Variants in ADNP observed in about 807,000 individuals in gnomAD.
The protein encoded by ADNP is activity-dependent neuroprotector homeobox protein.
In ADNP, 4 loss-of-function variants were observed where a neutral mutation model predicts 84.9. The observed-to-expected ratio is 0.05, with a 90% CI of 0.02 to 0.11. The LOEUF is 0.11. Ranked by LOEUF, ADNP falls within the 10% of genes least tolerant of loss-of-function variation. The pLI, the probability that ADNP is intolerant of heterozygous loss-of-function variation, is 1.00. For synonymous variants in ADNP, 554 were observed against 468.1 expected, an observed-to-expected ratio of 1.18 and a Z score of -2.37; for missense variants, 1,132 against 1,326.0, an observed-to-expected ratio of 0.85 and a Z score of 2.27.
At chr20:50,902,288 T>C (rs956845377) in intron 4 of ADNP, among the ~76,000 whole-genome samples, 179 bp from the exon 5 acceptor site, 4 of 152,178 alleles carry the variant, frequency 2.6e-5, no homozygotes, top group Admixed American at 6.5e-5. Flanking sequence ...GAAGTTGCAG[T>C]CTACATTTTA....
rs1449068028 is a variant in ADNP, at chr20:50,891,249, TAG to T, written c.*154_*155del. On this transcript the variant is annotated 3_prime_UTR_variant, in exon 6 of 6. Transcript: ENST00000621696. ...GAAGCAAGAACAGCCTGTCCTGTCA[TAG>T]ACTTAGAAATAACCACTGGAACTGC... 7.1e-7 allele frequency: 1 copy of T among 1,410,492 alleles called. No homozygotes were observed. The highest frequency in any genetic ancestry group is 3.3e-5 in the Admixed American group (1 of 30,562). 87.4% of individuals were successfully genotyped at this position (1,410,492 alleles called of 1,614,324 possible).
At chr20:50,905,980 A>C (rs1222066689) in intron 2 of ADNP, among the ~76,000 whole-genome samples, 1 of 152,198 alleles carries the variant, frequency 6.6e-6, no homozygotes, top group African/African-American at 2.4e-5. Context: ...TAGGAGGCCG[A>C]GGAGGGCAGA....
rs11299078 is a variant in ADNP at position 50,890,034 on chromosome 20, AT to A, written c.*1370del. The A allele has an allele frequency of 0.4, 131,378 of 329,952 alleles. 20,556 individuals carry two copies. Among genetic ancestry groups the A allele is most frequent in the African/African-American group, 0.54 (24,655 of 45,822 alleles). 20.4% of individuals were successfully genotyped at this position (329,952 alleles called of 1,614,324 possible). On this transcript the variant is annotated 3_prime_UTR_variant, in exon 6 of 6. Coordinates refer to ENST00000621696, the MANE Select transcript of ADNP (RefSeq NM_001282531.3). ...CAAATTAATGCCAATCCATGTTTAC[AT>A]TTTTTTTTTTATCATTGAGACATTT...
Position 50,893,363 on chromosome 20 carries a change from T to C in ADNP, c.1351A>G (p.Ile451Val). 1 of 1,614,220 alleles carries C rather than the reference T, an allele frequency of 6.2e-7. No homozygotes were observed. The highest frequency in any genetic ancestry group is 1.3e-5 in the African/African-American group (1 of 75,048). Residue 451 changes from isoleucine (I) to valine (V), a missense_variant, in exon 6 of 6, where the codon ATC (isoleucine) becomes GTC (valine). This residue lies in a region of ADNP where 87 missense variants were observed against 181.4 expected (regional missense o/e 0.48). Transcript: ENST00000621696. The surrounding 1 kb of genome is among the most constrained non-coding windows in gnomAD (Gnocchi z 4.4). ...SSTQKWKICT[I>V]CNELFPENVY... ...TTTTCAGGAAAAAGCTCATTACAGA[T>C]TGTACATATTTTCCACTTTTGAGTT...
At chr20:50,912,759 G>A (rs1983162222) in intron 2 of ADNP, among the ~76,000 whole-genome samples, 1 of 152,158 alleles carries the variant, frequency 6.6e-6, no homozygotes, top group Non-Finnish European at 1.5e-5. Context: ...TCTGATCAAA[G>A]TATGAAGTGA....
rs1984687187 is a variant in ADNP, at chr20:50,930,848, C to G, written c.-287G>C. 6.8e-6 allele frequency: 1 copy of G among 146,718 alleles called. No homozygotes were observed. Among genetic ancestry groups the G allele is most frequent in the Non-Finnish European group, 1.5e-5 (1 of 65,808 alleles). The allele number at this position is 146,718 out of a possible 1,614,324, so 9.1% of individuals were successfully genotyped here. A position where few individuals can be genotyped will look rare whatever the true frequency, so the allele number is the denominator to read the frequency against. On this transcript the variant is annotated 5_prime_UTR_variant, in exon 1 of 6. Transcript: ENST00000621696. ...TACCTTGACTCGGCCTCGAGGCGCG[C>G]GCGGGGCCGGCGTGCTCGGGGGCCG...
chr20:50,900,694 A>G (rs1981883832), intron 5 of ADNP, among the ~76,000 whole-genome samples: 1 of 152,252 alleles, frequency 6.6e-6, no homozygotes, highest in Non-Finnish European at 1.5e-5. Flanking sequence ...TTTTAGTGCA[A>G]TTAGACAATT....
At position 50,892,157 on chromosome 20, in the gene ADNP, CCTT is replaced by C. The variant is rs1191715917; in HGVS notation, c.2554_2556del (p.Lys852del). On this transcript the variant is annotated inframe_deletion, in exon 6 of 6. Transcript: ENST00000621696. ...GTCTTACTAGCATTGACTCTGGAATCCTTCTCATCATGATTTTCAAATAGCCAC... is the reference window on the plus strand; with the variant it reads ...GTCTTACTAGCATTGACTCTGGAATCCTCATCATGATTTTCAAATAGCCAC... 3 of 1,614,114 alleles carry C rather than the reference CCTT, an allele frequency of 1.9e-6. No homozygotes were observed. Among genetic ancestry groups the C allele is most frequent in the Admixed American group, 1.7e-5 (1 of 60,012 alleles).
At position 50,903,784 on chromosome 20, in the gene ADNP, T is replaced by A. The variant is rs899591554; in HGVS notation, c.108+105A>T. On this transcript the variant is annotated intron_variant, in intron 4 of 5. Coordinates refer to ENST00000621696, the MANE Select transcript of ADNP (RefSeq NM_001282531.3). Reference sequence around the variant, plus strand: ...GTTTTCGTGAAGCTACTGCTGTGGCTGAAATTCAGAATCACATCTAAGATT... The same window carrying A: ...GTTTTCGTGAAGCTACTGCTGTGGCAGAAATTCAGAATCACATCTAAGATT... 7 of 818,776 alleles carry A rather than the reference T, an allele frequency of 8.5e-6. No individual in the cohort carries two copies. In the African/African-American group the frequency reaches 1.0e-4, roughly 12 times the overall value. The allele number at this position is 818,776 out of a possible 1,614,324, so 50.7% of individuals were successfully genotyped here.
At chr20:50,901,184 T>C (rs1981938508) in intron 5 of ADNP, among the ~76,000 whole-genome samples, 1 of 152,108 alleles carries the variant, frequency 6.6e-6, no homozygotes, top group Non-Finnish European at 1.5e-5. Flanking sequence ...ACTCTGCTTC[T>C]CCTCAAAGCT....
At position 50,913,799 on chromosome 20, in the gene ADNP, G is replaced by A. The variant is rs56248493; in HGVS notation, c.-89-8950C>T. ...GAGGGAAGCTGGAGGAGGTGAAGGA[G>A]AGGATTCTGGCCAATAAACCCCTGG... On this transcript the variant is annotated intron_variant, in intron 2 of 5. Coordinates refer to ENST00000621696, the MANE Select transcript of ADNP (RefSeq NM_001282531.3). 466 of 490,048 alleles carry A rather than the reference G, an allele frequency of 9.5e-4. 2 individuals carry two copies. Among genetic ancestry groups the A allele is most frequent in the African/African-American group, 8.9e-3 (446 of 50,354 alleles). The allele number at this position is 490,048 out of a possible 1,614,324, so 30.4% of individuals were successfully genotyped here.
intron 2 of ADNP, among the ~76,000 whole-genome samples, chr20:50,917,312 C>T (rs1983583527): frequency 6.6e-6 from 1 of 152,220 alleles, no homozygotes; most frequent in Non-Finnish European, 1.5e-5. Context: ...GTACGTATCT[C>T]AAGTCAGTCA....
intron 2 of ADNP, among the ~76,000 whole-genome samples, chr20:50,906,987 T>G (rs916276009): frequency 8.0e-6 from 1 of 124,664 alleles, no homozygotes; most frequent in African/African-American, 3.0e-5. Flanking sequence ...TTTTTTTTTT[T>G]GAGACAGTCT....
chr20:50,915,974 T>C (rs1568737460), intron 2 of ADNP, among the ~76,000 whole-genome samples: 1 of 152,236 alleles, frequency 6.6e-6, no homozygotes, highest in Non-Finnish European at 1.5e-5. Flanking sequence ...TTCTGTATTC[T>C]TCTATTCTTA....
At position 50,891,896 on chromosome 20, in the gene ADNP, G is replaced by T. The variant is rs1253478712; in HGVS notation, c.2818C>A (p.His940Asn). 3 of 1,614,054 alleles carry T rather than the reference G, an allele frequency of 1.9e-6. No individual in the cohort carries two copies. The highest frequency in any genetic ancestry group is 3.3e-5 in the Admixed American group (2 of 60,006). ...KEDGSKYETI[H>N]LTEEPTKLMH... ...AGTTTGGTTGGTTCCTCAGTCAAATGAATAGTTTCGTATTTTGAACCATCC... is the reference window on the plus strand; with the variant it reads ...AGTTTGGTTGGTTCCTCAGTCAAATTAATAGTTTCGTATTTTGAACCATCC... The change falls in exon 6 of 6, where the codon CAT becomes AAT. Residue 940 changes from histidine to asparagine, a missense_variant. By Grantham distance (68) the His-to-Asn change is moderately conservative. Coordinates refer to ENST00000621696, the MANE Select transcript of ADNP (RefSeq NM_001282531.3).
rs71192505 is a variant in ADNP at position 50,890,161 on chromosome 20, A to AAAAAAC, written c.*1243_*1244insGTTTTT. 4.4e-5 allele frequency: 8 copies of AAAAAAC among 181,134 alleles called. 1 individual carries two copies. Among genetic ancestry groups the AAAAAAC allele is most frequent in the African/African-American group, 1.2e-4 (4 of 34,208 alleles). 11.2% of individuals were successfully genotyped at this position (181,134 alleles called of 1,614,324 possible). A position where few individuals can be genotyped will look rare whatever the true frequency, so the allele number is the denominator to read the frequency against. On this transcript the variant is annotated 3_prime_UTR_variant, in exon 6 of 6. Coordinates refer to ENST00000621696, the MANE Select transcript of ADNP (RefSeq NM_001282531.3). The stretch of plus-strand genomic sequence containing the variant: ...AAAAAAAAAAAAAAAAAAAAAAAAA[A>AAAAAAC]GAAAAACAGATTTTGTACCAGGTGC...
chr20:50,919,756 G>T (rs962659947), intron 2 of ADNP, among the ~76,000 whole-genome samples: 2 of 152,146 alleles, frequency 1.3e-5, no homozygotes, highest in African/African-American at 4.8e-5. Context: ...AGTTCCAGAG[G>T]CCGGAAAGCA....
In ADNP at chr20:50,920,281, A is replaced by AAAAG. The variant is rs1555816096; in HGVS notation, c.-90+8366_-90+8369dup. Among the ~76,000 whole-genome samples, 283 of 139,062 alleles carry AAAAG rather than the reference A, an allele frequency of 2.0e-3. 3 individuals carry two copies. Among genetic ancestry groups the AAAAG allele is most frequent in the Admixed American group, 4.5e-3 (59 of 13,176 alleles). The allele number at this position is 139,062 out of a possible 152,430, so 91.2% of individuals were successfully genotyped here. A position where few individuals can be genotyped will look rare whatever the true frequency, so the allele number is the denominator to read the frequency against. On this transcript the variant is annotated intron_variant, in intron 2 of 5. Transcript: ENST00000621696. ...CACCTCCAAAAAAAAAAAAAAAAAA[A>AAAAG]AAAGAAAGAAAGAAAGAAAAAGAAA...
intron 1 of ADNP, among the ~76,000 whole-genome samples, chr20:50,929,716 G>T (rs147247946): frequency 6.6e-6 from 1 of 150,502 alleles, no homozygotes; most frequent in Non-Finnish European, 1.5e-5. Flanking sequence ...CTATCCAAGA[G>T]ATTTTTTTTT....
Sources: gnomAD v4.1 joint callset for allele counts (sites outside exome capture counted in the v4.1 genomes callset) on GRCh38, gnomAD v4.1.1 for gene constraint, gnomAD v4.1.1 regional missense constraint, Gnocchi (gnomAD v3.1) non-coding constraint, MANE v1.5 for transcripts, NCBI Gene and HGNC (gene_info 2026-07-23, HGNC 2026-07-21) for gene names.